The following COL5A2 variants were observed in gnomAD, a reference collection of about 807,000 sequenced individuals.
COL5A2 encodes collagen type V alpha 2 chain.
Under a neutral mutation model 208.2 loss-of-function variants are expected in COL5A2, and 23 were observed. The observed-to-expected ratio is 0.11, with a 90% confidence interval of 0.08 to 0.16. COL5A2 has a LOEUF of 0.16. COL5A2 is among the 10% of genes least tolerant of loss of function. The pLI is 1.00. For synonymous variants in COL5A2, 625 were observed against 628.5 expected (o/e 0.99, Z 0.08); for missense variants, 1,590 against 1,956.4 (o/e 0.81, Z 3.53).
chr2:189,358,960 CAG>C, the COL5A2 span, among the ~76,000 whole-genome samples: 4,055 of 152,050 alleles, frequency 0.027, 70 homozygotes, highest in Admixed American at 0.044. Flanking sequence ...TCAATTCTAA[CAG>C]TGTTTTTGGT....
At chr2:189,349,448 C>T in the COL5A2 span, among the ~76,000 whole-genome samples, 1 of 152,106 alleles carries the variant, frequency 6.6e-6, no homozygotes, top group South Asian at 2.1e-4. Flanking sequence ...AAACAGGATA[C>T]TGTGTATTGA....
chr2:189,121,986 T>C (rs939969426), intron 1 of COL5A2, among the ~76,000 whole-genome samples: 4 of 152,166 alleles, frequency 2.6e-5, no homozygotes, highest in Non-Finnish European at 4.4e-5. Context: ...TTTTCATAGA[T>C]TACTTAAGTA....
intron 23 of COL5A2, among the ~76,000 whole-genome samples, chr2:189,065,882 A>G (rs1458989085): frequency 6.6e-6 from 1 of 152,102 alleles, no homozygotes; most frequent in Non-Finnish European, 1.5e-5. Context: ...CTACTGGCTT[A>G]TCATCATCTT....
At chr2:189,420,476 T>C in the COL5A2 span, among the ~76,000 whole-genome samples, 4 of 152,160 alleles carry the variant, frequency 2.6e-5, no homozygotes, top group Non-Finnish European at 4.4e-5. Flanking sequence ...TTCACAATCA[T>C]TTTAAGCAAC....
rs540630331 is a variant in COL5A2 at position 189,186,095 on chromosome 2, C to T, written c.-42+39053G>A. Among the ~76,000 whole-genome samples, 11 of 152,028 alleles carry T rather than the reference C, an allele frequency of 7.2e-5. No homozygotes were observed. The South Asian group carries it at 1.7e-3, about 23-fold the overall frequency. ...GCACGATCACAGCTTACTGCATCCTCGAACTCCTGAGCTCAAGGGATCCTC... is the reference window on the plus strand; with the variant it reads ...GCACGATCACAGCTTACTGCATCCTTGAACTCCTGAGCTCAAGGGATCCTC... On this transcript the variant is annotated intron_variant, in intron 1 of 10. Transcript: ENST00000649966.
At chr2:189,244,258 T>G in the COL5A2 span, among the ~76,000 whole-genome samples, 38 of 152,238 alleles carry the variant, frequency 2.5e-4, no homozygotes, top group African/African-American at 9.2e-4. Context: ...GTTGTCAGGC[T>G]GCAGATTTTG....
intron 1 of COL5A2, among the ~76,000 whole-genome samples, chr2:189,139,642 A>G (rs1687897687): frequency 6.6e-6 from 1 of 152,230 alleles, no homozygotes; most frequent in African/African-American, 2.4e-5. Context: ...TAAAATATCA[A>G]TATTGGCTTA....
At chr2:189,269,757 G>A in the COL5A2 span, among the ~76,000 whole-genome samples, 3,643 of 152,214 alleles carry the variant, frequency 0.024, 156 homozygotes, top group African/African-American at 0.084. Context: ...CTCATAAAAT[G>A]AGTTAGGGAG....
chr2:189,326,725 GGGGGAGTT>G, the COL5A2 span, among the ~76,000 whole-genome samples: 4 of 149,800 alleles, frequency 2.7e-5, no homozygotes, highest in African/African-American at 9.8e-5. Context: ...GTGGGGAGTG[GGGGGAGTT>G]CACCCACTCC....
intron 49 of COL5A2, 105 bp downstream of exon 49, chr2:189,042,615 G>A (rs1055486585): frequency 6.4e-6 from 7 of 1,087,352 alleles, no homozygotes; most frequent in African/African-American, 3.1e-5. Flanking sequence ...GAGAAGATGA[G>A]CCAACTCCAG....
chr2:189,225,596 C>T (rs1485247569), upstream of COL5A2, among the ~76,000 whole-genome samples: 1 of 151,868 alleles, frequency 6.6e-6, no homozygotes, highest in African/African-American at 2.4e-5. Flanking sequence ...CCATTTATAA[C>T]ACAGAGAATA....
intron 14 of COL5A2, among the ~76,000 whole-genome samples, chr2:189,079,437 C>T (rs1686484803): frequency 6.6e-6 from 1 of 152,066 alleles, no homozygotes; most frequent in Middle Eastern, 3.2e-3. Context: ...TTGATTGTAA[C>T]ACTATCTTAA....
intron 1 of COL5A2, among the ~76,000 whole-genome samples, chr2:189,120,702 G>A (rs937436625): frequency 6.6e-6 from 1 of 151,942 alleles, no homozygotes; most frequent in African/African-American, 2.4e-5. Context: ...AGAGAAAGTG[G>A]AAACCCATAA....
the COL5A2 span, among the ~76,000 whole-genome samples, chr2:189,387,475 A>C: frequency 6.6e-6 from 1 of 152,152 alleles, no homozygotes; most frequent in African/African-American, 2.4e-5. Flanking sequence ...ATAAAACTTT[A>C]AAAAGGGAAA....
the COL5A2 span, among the ~76,000 whole-genome samples, chr2:189,360,821 C>T: frequency 1.3e-5 from 2 of 152,062 alleles, no homozygotes; most frequent in Admixed American, 1.3e-4. Context: ...TCCTTGTGTC[C>T]ATGTGTTCTC....
intron 1 of COL5A2, among the ~76,000 whole-genome samples, chr2:189,143,639 AAAC>A: frequency 6.6e-6 from 1 of 152,318 alleles, no homozygotes; most frequent in South Asian, 2.1e-4. Flanking sequence ...ATCTGTTATT[AAAC>A]AACTCATACT....
the COL5A2 span, among the ~76,000 whole-genome samples, chr2:189,338,781 G>A: frequency 6.7e-6 from 1 of 150,336 alleles, no homozygotes; most frequent in Non-Finnish European, 1.5e-5. Context: ...CCCAGTAAAA[G>A]CCGTTCTTTC....
chr2:189,383,861 T>G, the COL5A2 span, among the ~76,000 whole-genome samples: 1 of 152,070 alleles, frequency 6.6e-6, no homozygotes, highest in African/African-American at 2.4e-5. Flanking sequence ...CTATTCCTTC[T>G]AACTATATTT....
At chr2:189,118,048 GA>G (rs573278911) in intron 1 of COL5A2, among the ~76,000 whole-genome samples, 257 of 152,022 alleles carry the variant, frequency 1.7e-3, no homozygotes, top group African/African-American at 5.8e-3. Flanking sequence ...CAATTGTTAA[GA>G]ATACCAAGTA....
Sources: gnomAD v4.1 joint callset for allele counts (sites outside exome capture counted in the v4.1 genomes callset) on GRCh38, gnomAD v4.1.1 for gene constraint, MANE v1.5 for transcripts, NCBI Gene and HGNC (gene_info 2026-07-23, HGNC 2026-07-21) for gene names.